The following GPR161 variants were observed in gnomAD, a reference collection of about 807,000 sequenced individuals.
The protein encoded by GPR161 is G protein-coupled receptor 161, also known as G-protein coupled receptor RE2.
A neutral mutation model predicts 39.2 loss-of-function variants in GPR161; 25 were observed. That is an observed-to-expected ratio of 0.64 (90% CI 0.47 to 0.89). GPR161 has a LOEUF of 0.89. Ranked by LOEUF, GPR161 falls within the 40% of genes least tolerant of loss-of-function variation. GPR161 has a pLI of 0.00. For synonymous variants in GPR161, 286 were observed against 276.6 expected, an observed-to-expected ratio of 1.03 and a Z score of -0.34; for missense variants, 547 against 677.8, an observed-to-expected ratio of 0.81 and a Z score of 2.14.
chr1:168,132,802 T>C (rs931611314), intron 1 of GPR161, among the ~76,000 whole-genome samples: 11 of 152,134 alleles, frequency 7.2e-5, no homozygotes, highest in Non-Finnish European at 1.3e-4. Flanking sequence ...TGGAGTGCAA[T>C]GGCACAGTCT....
intron 1 of GPR161, among the ~76,000 whole-genome samples, chr1:168,107,555 C>T (rs530432389): frequency 6.6e-6 from 1 of 152,316 alleles, no homozygotes; most frequent in Admixed American, 6.5e-5. Context: ...AAGGCCCTCA[C>T]CAGAGGCAGC....
chr1:168,130,691 A>C (rs915823584), intron 1 of GPR161, among the ~76,000 whole-genome samples: 1 of 152,132 alleles, frequency 6.6e-6, no homozygotes, highest in African/African-American at 2.4e-5. Context: ...CAAAATCTCC[A>C]TGTATAGCCT....
chr1:168,102,015 C>T (rs113666910), intron 2 of GPR161, among the ~76,000 whole-genome samples: 3,434 of 152,246 alleles, frequency 0.023, 106 homozygotes, highest in African/African-American at 0.061. Flanking sequence ...GTTGGCCAGG[C>T]TGGTCTTGAG....
chr1:168,116,421 T>C (rs563254357), intron 1 of GPR161, among the ~76,000 whole-genome samples: 22 of 152,236 alleles, frequency 1.4e-4, no homozygotes, highest in African/African-American at 4.8e-4. Flanking sequence ...GGCCCCTTTA[T>C]CTCAGCACCT....
At chr1:168,113,493 G>A (rs1245582644) in intron 1 of GPR161, among the ~76,000 whole-genome samples, 1 of 152,136 alleles carries the variant, frequency 6.6e-6, no homozygotes, top group Non-Finnish European at 1.5e-5. Context: ...TAAATTGTCT[G>A]CTGGATTAGA....
chr1:168,104,073 C>T (rs1696361827), intron 2 of GPR161, among the ~76,000 whole-genome samples: 1 of 152,120 alleles, frequency 6.6e-6, no homozygotes, highest in Non-Finnish European at 1.5e-5. Flanking sequence ...GAGGGTGTTC[C>T]CTGTTCGGGC....
chr1:168,125,691 C>T (rs1267332055), intron 1 of GPR161, among the ~76,000 whole-genome samples: 1 of 149,828 alleles, frequency 6.7e-6, no homozygotes, highest in African/African-American at 2.5e-5. Flanking sequence ...GATCTCAGCT[C>T]ACTGCAATCT....
rs796470715 is a variant in GPR161 at position 168,082,193 on chromosome 1, C to T, written c.*3338G>A. ...TCAAGGAACATTGGCACTAGATGGC[C>T]CTTGTCTTACACTCCTCAACTCTGC... On this transcript the variant is annotated 3_prime_UTR_variant, in exon 6 of 6. Coordinates refer to ENST00000682931, the MANE Select transcript of GPR161 (RefSeq NM_001375883.1). The T allele has an allele frequency of 6.6e-6, 1 of 152,140 alleles. No homozygotes were observed. The highest frequency in any genetic ancestry group is 1.5e-5 in the Non-Finnish European group (1 of 68,036). 9.4% of individuals were successfully genotyped at this position (152,140 alleles called of 1,614,324 possible).
At chr1:168,125,534 T>G (rs1404415626) in intron 1 of GPR161, among the ~76,000 whole-genome samples, 1 of 152,160 alleles carries the variant, frequency 6.6e-6, no homozygotes, top group Non-Finnish European at 1.5e-5. Flanking sequence ...AATATGAATT[T>G]TTTTGAAGAG....
At chr1:168,137,060 C>T, upstream of GPR161, 2 of 966,176 alleles carry the variant, frequency 2.1e-6, no homozygotes, top group Non-Finnish European at 2.5e-6. Flanking sequence ...CGCCCCTCCC[C>T]ACCCGCGCCC....
Position 168,136,765 on chromosome 1 carries a change from G to T in GPR161, c.-71C>A. 1.0e-6 allele frequency: 1 copy of T among 990,568 alleles called. No individual in the cohort carries two copies. The highest frequency in any genetic ancestry group is 4.5e-5 in the South Asian group (1 of 22,154). 61.4% of individuals were successfully genotyped at this position (990,568 alleles called of 1,614,324 possible). On this transcript the variant is annotated 5_prime_UTR_variant, in exon 1 of 6. The change creates a new upstream start codon in the 5' untranslated region. Transcript: ENST00000682931. ...GAGGAGCGGCCGCCGCGGCAGCTCA[G>T]GCCCCGGCCCAGCCGCCTCCCCGCC... is the stretch of plus-strand genomic sequence containing the variant.
chr1:168,093,737 TG>T (rs756395792), intron 3 of GPR161, among the ~76,000 whole-genome samples: 6 of 152,222 alleles, frequency 3.9e-5, no homozygotes, highest in Non-Finnish European at 8.8e-5. Flanking sequence ...ACAGAGGGTC[TG>T]GTCAGCCCTG....
intron 4 of GPR161, chr1:168,089,050 G>A (rs1694813222): frequency 1.3e-5 from 2 of 152,168 alleles, no homozygotes; most frequent in Non-Finnish European, 2.9e-5. Flanking sequence ...ACAATTCAAT[G>A]AGAATTGTAT....
rs1228955681 is a variant in GPR161 at position 168,135,905 on chromosome 1, C to T, written c.-45+834G>A. 8.2e-6 allele frequency: 4 copies of T among 485,388 alleles called. No homozygotes were observed. In the East Asian group the frequency reaches 2.1e-4, roughly 25 times the overall value. The allele number at this position is 485,388 out of a possible 1,614,324, so 30.1% of individuals were successfully genotyped here. On this transcript the variant is annotated intron_variant, in intron 1 of 5. Coordinates refer to ENST00000682931, the MANE Select transcript of GPR161 (RefSeq NM_001375883.1). ...TGCAAAAGGGATGAAAGTACAATAACAAGCAAAAATAGCCTCCAAGATGTG... is the reference window on the plus strand; with the variant it reads ...TGCAAAAGGGATGAAAGTACAATAATAAGCAAAAATAGCCTCCAAGATGTG...
intron 1 of GPR161, among the ~76,000 whole-genome samples, chr1:168,115,075 G>A (rs1034319711): frequency 2.6e-5 from 4 of 152,190 alleles, no homozygotes; most frequent in South Asian, 4.2e-4. Context: ...GCAGCTGGCC[G>A]TCTTTAACAC....
intron 1 of GPR161, among the ~76,000 whole-genome samples, chr1:168,109,318 G>C (rs958265466): frequency 2.0e-5 from 3 of 151,964 alleles, no homozygotes; most frequent in Admixed American, 6.6e-5. Context: ...AGTCAAACTT[G>C]AAAAAAGAAA....
Position 168,080,953 on chromosome 1 carries a change from C to T in GPR161, c.*4578G>A, listed in dbSNP as rs904369238. 1 of 152,784 alleles carries T rather than the reference C, an allele frequency of 6.5e-6. No individual in the cohort carries two copies. The highest frequency in any genetic ancestry group is 2.4e-5 in the African/African-American group (1 of 41,416). The allele number at this position is 152,784 out of a possible 1,614,324, so 9.5% of individuals were successfully genotyped here. On this transcript the variant is annotated 3_prime_UTR_variant, in exon 6 of 6. Coordinates refer to ENST00000682931, the MANE Select transcript of GPR161 (RefSeq NM_001375883.1). ...GATCTCGGCTCACTGCAACCTCCGCCTCCTGGGTTTAAGTGATTCTCCTGC... is the reference window on the plus strand; with the variant it reads ...GATCTCGGCTCACTGCAACCTCCGCTTCCTGGGTTTAAGTGATTCTCCTGC...
chr1:168,097,013 G>A lies in GPR161; in HGVS notation c.594C>T (p.Leu198=), dbSNP rs34833557. The change falls in exon 3 of 6, where the codon CTC becomes CTT. Residue 198 remains leucine, a synonymous_variant. Coordinates refer to ENST00000682931, the MANE Select transcript of GPR161 (RefSeq NM_001375883.1). ...ACACCAGCATGACCAGAAAGGGGAAGAGGGCACACCAGATCTGCCAGAAGG... is the reference window on the plus strand; with the variant it reads ...ACACCAGCATGACCAGAAAGGGGAAAAGGGCACACCAGATCTGCCAGAAGG... ...YTAFWQIWCA[L]FPFLVMLVCY... 5,099 of 1,614,148 alleles carry A rather than the reference G, an allele frequency of 3.2e-3. 119 individuals are homozygous for A. The African/African-American group carries it at 0.055, about 18-fold the overall frequency.
chr1:168,120,002 G>A (rs1698031793), intron 1 of GPR161, among the ~76,000 whole-genome samples: 1 of 152,214 alleles, frequency 6.6e-6, no homozygotes, highest in African/African-American at 2.4e-5. Flanking sequence ...AGGGAAATGT[G>A]GGGTTGGAGC....
Sources: allele counts gnomAD v4.1 joint callset (sites outside exome capture counted in the v4.1 genomes callset), GRCh38; gene constraint gnomAD v4.1.1; transcripts MANE v1.5; gene names NCBI Gene and HGNC (gene_info 2026-07-23, HGNC 2026-07-21).